The following RNF114 variants were observed in gnomAD, a reference collection of about 807,000 sequenced individuals.
RNF114 encodes E3 ubiquitin-protein ligase RNF114.
Under a neutral mutation model 28.4 loss-of-function variants are expected in RNF114, and 6 were observed. That is an observed-to-expected ratio of 0.21 (90% CI 0.12 to 0.42). The LOEUF (loss-of-function observed/expected upper bound fraction) is 0.42, where lower values mean the gene tolerates loss of function less well. Ranked by LOEUF, RNF114 falls within the 10% of genes least tolerant of loss-of-function variation. The probability of loss-of-function intolerance (pLI) is 1.00; values close to 1 mark genes in which losing one functional copy is unlikely to be tolerated. For synonymous variants in RNF114, 115 were observed against 116.7 expected, an observed-to-expected ratio of 0.99 and a Z score of 0.09; for missense variants, 249 against 311.7, an observed-to-expected ratio of 0.80 and a Z score of 1.51.
chr20:49,940,770 C>T (rs542936540), intron 1 of RNF114, among the ~76,000 whole-genome samples: 7 of 151,180 alleles, frequency 4.6e-5, no homozygotes, highest in South Asian at 2.1e-4. Context: ...TCCCCTCCAC[C>T]CCCCCCTTGA....
Position 49,937,658 on chromosome 20 carries a change from A to G in RNF114, c.140+1106A>G, listed in dbSNP as rs560788450. Among the ~76,000 whole-genome samples the G allele has an allele frequency of 5.3e-5, 8 of 152,200 alleles. No homozygotes were observed. The South Asian group carries it at 6.2e-4, about 12-fold the overall frequency. On this transcript the variant is annotated intron_variant, in intron 1 of 5. Transcript: ENST00000244061. The stretch of plus-strand genomic sequence containing the variant: ...TTGCTTCATCATGTTGCTTTAGGCT[A>G]TTCATCTTTGCAATTCGGTTAGCCT...
intron 1 of RNF114, 116 bp downstream of exon 1, chr20:49,936,668 G>C: frequency 1.5e-6 from 2 of 1,332,076 alleles, no homozygotes; most frequent in Non-Finnish European, 2.0e-6. Context: ...GGGCCTCCCG[G>C]GGGTGTCCCC....
chr20:49,947,991 C>CAGGTGTTAGCCAG, intron 4 of RNF114, among the ~76,000 whole-genome samples: 1 of 151,578 alleles, frequency 6.6e-6, no homozygotes, highest in African/African-American at 2.4e-5. Flanking sequence ...GGGGTTTCAC[C>CAGGTGTTAGCCAG]GTGTTAGCCA....
chr20:49,944,852 G>T (rs1258523533), intron 2 of RNF114: 1 of 151,428 alleles, frequency 6.6e-6, no homozygotes, highest in African/African-American at 2.4e-5. Context: ...CTGCACTTCA[G>T]TCTGGGCGAC....
At chr20:49,939,005 C>T (rs2090297460) in intron 1 of RNF114, among the ~76,000 whole-genome samples, 1 of 152,184 alleles carries the variant, frequency 6.6e-6, no homozygotes, top group Non-Finnish European at 1.5e-5. Context: ...CGCATCATGG[C>T]CCCCAAGGTC....
chr20:49,941,785 G>A (rs2090309077), intron 2 of RNF114, 74 bp downstream of exon 2: 2 of 1,526,502 alleles, frequency 1.3e-6, no homozygotes, highest in African/African-American at 1.4e-5. Flanking sequence ...CTGCCATGTT[G>A]TTGCTGAAGT....
intron 1 of RNF114, among the ~76,000 whole-genome samples, chr20:49,940,931 G>A (rs2090305313): frequency 6.6e-6 from 1 of 151,596 alleles, no homozygotes; most frequent in Admixed American, 6.6e-5. Context: ...TAGTAGAGAC[G>A]GGTTTCACCA....
chr20:49,943,217 C>G (rs1166633976), intron 2 of RNF114, among the ~76,000 whole-genome samples: 1 of 152,132 alleles, frequency 6.6e-6, no homozygotes, highest in Non-Finnish European at 1.5e-5. Flanking sequence ...ACTCTTGAGG[C>G]TGGGCATGGT....
chr20:49,938,587 G>A (rs2090296044), intron 1 of RNF114, among the ~76,000 whole-genome samples: 2 of 152,202 alleles, frequency 1.3e-5, no homozygotes. Flanking sequence ...CTGGAGAAAG[G>A]CAGCTGGCTG....
rs1004701199 is a variant in RNF114, at chr20:49,952,782, C to T, written c.*641C>T. 1 of 153,132 alleles carries T rather than the reference C, an allele frequency of 6.5e-6. No individual in the cohort carries two copies. Among genetic ancestry groups the T allele is most frequent in the African/African-American group, 2.4e-5 (1 of 41,424 alleles). 9.5% of individuals were successfully genotyped at this position (153,132 alleles called of 1,614,324 possible). ...TCAGTCTTAAATGCCTGCATGGTGC[C>T]TTTTTAGGATAAGGTATAACCATAC... is the stretch of plus-strand genomic sequence containing the variant. On this transcript the variant is annotated 3_prime_UTR_variant, in exon 6 of 6. Coordinates refer to ENST00000244061, the MANE Select transcript of RNF114 (RefSeq NM_018683.4).
In RNF114 at chr20:49,941,625, A is replaced by C; in HGVS notation, c.205A>C (p.Ser69Arg). The C allele has an allele frequency of 3.1e-6, 5 of 1,612,922 alleles. No homozygotes were observed. The highest frequency in any genetic ancestry group is 4.2e-6 in the Non-Finnish European group (5 of 1,179,424). Residue 69 changes from serine to arginine, a missense_variant, in exon 2 of 6, where the codon AGC becomes CGC. This residue lies in a region of RNF114 where 123 missense variants were observed against 106.4 expected (regional missense o/e 1.16). Transcript: ENST00000244061. ...PKKPVCGVCR[S>R]ALAPGVRAVE... Reference sequence around the variant, plus strand: ...GAAGCCTGTCTGTGGGGTGTGTCGCAGCGCTCTGGCACCTGGCGTCCGAGC... The same window carrying C: ...GAAGCCTGTCTGTGGGGTGTGTCGCCGCGCTCTGGCACCTGGCGTCCGAGC...
At chr20:49,945,513 G>T (rs1480097834) in intron 3 of RNF114, 25 bp downstream of exon 3, 1 of 1,394,078 alleles carries the variant, frequency 7.2e-7, no homozygotes, top group African/African-American at 1.4e-5. Context: ...CTCCCCTTAG[G>T]TGGAGGTCAT....
chr20:49,943,232 C>T (rs1363037868), intron 2 of RNF114, among the ~76,000 whole-genome samples: 1 of 152,254 alleles, frequency 6.6e-6, no homozygotes, highest in South Asian at 2.1e-4. Context: ...CATGGTGGCT[C>T]ATGCCTATAT....
In RNF114 at chr20:49,950,682, CAAAA is replaced by C. The variant is rs11429510; in HGVS notation, c.621+1342_621+1345del. On this transcript the variant is annotated intron_variant, in intron 5 of 5. Transcript: ENST00000244061. ...TGGGCAACAGAATGAGACCCTGTCT[CAAAA>C]AAAAAAAAAAAAAACAAAACACACA... is the stretch of plus-strand genomic sequence containing the variant. Among the ~76,000 whole-genome samples the C allele has an allele frequency of 7.7e-5, 7 of 90,512 alleles. No homozygotes were observed. The South Asian group carries it at 1.2e-3, about 16-fold the overall frequency. 59.4% of individuals were successfully genotyped at this position (90,512 alleles called of 152,430 possible). A position where few individuals can be genotyped will look rare whatever the true frequency, so the allele number is the denominator to read the frequency against.
chr20:49,945,242 C>T (rs568287453), intron 2 of RNF114, 140 bp from the exon 3 acceptor site: 2 of 597,902 alleles, frequency 3.3e-6, no homozygotes, highest in Admixed American at 2.9e-5. Flanking sequence ...GTTTCAGCCC[C>T]ATCAGCGTAG....
rs79126179 is a variant in RNF114 at position 49,936,567 on chromosome 20, C to G, written c.140+15C>G. 1 of 1,580,180 alleles carries G rather than the reference C, an allele frequency of 6.3e-7. No individual in the cohort carries two copies. The highest frequency in any genetic ancestry group is 8.6e-7 in the Non-Finnish European group (1 of 1,164,958). On this transcript the variant is annotated intron_variant, in intron 1 of 5. Transcript: ENST00000244061. ...TGCGGACACGTGTAAGCGGCGAGCC[C>G]GGGCCTGGTCGGGGGGCGCTTAACT...
intron 1 of RNF114, 143 bp from the exon 2 acceptor site, chr20:49,941,418 G>A (rs1356919642): frequency 5.1e-5 from 45 of 880,694 alleles, no homozygotes; most frequent in Non-Finnish European, 7.5e-5. Context: ...TTCTGGCTTG[G>A]AAGGACTTAG....
chr20:49,939,479 AATCT>A (rs66922321), intron 1 of RNF114, among the ~76,000 whole-genome samples: 58,058 of 151,620 alleles, frequency 0.38, 12,920 homozygotes, highest in East Asian at 0.69. Context: ...ATACTGTCTT[AATCT>A]ATCAGGTTGG....
chr20:49,941,826 G>T lies in RNF114; in HGVS notation c.291+115G>T, dbSNP rs548488971. 209 of 1,047,208 alleles carry T rather than the reference G, an allele frequency of 2.0e-4. No individual in the cohort carries two copies. In the Middle Eastern group the frequency reaches 2.7e-3, roughly 13 times the overall value. The allele number at this position is 1,047,208 out of a possible 1,614,324, so 64.9% of individuals were successfully genotyped here. ...CATGACTAGGTCACTAACAGCACGC[G>T]TGCATGCCAATTACCTGTGGTGATG... On this transcript the variant is annotated intron_variant, in intron 2 of 5. Coordinates refer to ENST00000244061, the MANE Select transcript of RNF114 (RefSeq NM_018683.4).
Sources: gnomAD v4.1 joint callset for allele counts (sites outside exome capture counted in the v4.1 genomes callset) on GRCh38, gnomAD v4.1.1 for gene constraint, gnomAD v4.1.1 regional missense constraint, MANE v1.5 for transcripts, NCBI Gene and HGNC (gene_info 2026-07-23, HGNC 2026-07-21) for gene names.